The following F8 variants were observed in gnomAD, a reference collection of about 807,000 sequenced individuals.
The protein encoded by F8 is coagulation factor VIII.
In F8, 12 loss-of-function variants were observed where a neutral mutation model predicts 140.6. The observed-to-expected ratio is 0.09, with a 90% confidence interval of 0.05 to 0.14. The LOEUF (loss-of-function observed/expected upper bound fraction) is 0.14, where lower values mean the gene tolerates loss of function less well. Among genes scored for constraint, F8 ranks in the 10% least tolerant of loss-of-function variants. F8 has a pLI of 1.00. For synonymous variants in F8, 585 were observed against 614.6 expected (o/e 0.95, Z 0.71); for missense variants, 1,354 against 1,720.7 (o/e 0.79, Z 3.77).
intron 9 of F8, among the ~76,000 whole-genome samples, chrX:154,961,520 G>A (rs917005843): frequency 7.2e-5 from 8 of 111,192 alleles, no homozygotes; most frequent in African/African-American, 9.8e-5. Context: ...TTGTTTTACC[G>A]TATTGTTTCT....
chrX:154,905,546 C>T (rs1218683125), intron 15 of F8, among the ~76,000 whole-genome samples: 8 of 111,397 alleles, frequency 7.2e-5, no homozygotes, highest in South Asian at 3.7e-4. Flanking sequence ...ATTGAAACAA[C>T]GAATAGATAT....
At chrX:154,897,994 G>C (rs1410524516) in intron 21 of F8, 1 of 112,501 alleles carries the variant, frequency 8.9e-6, no homozygotes, top group Admixed American at 9.4e-5. Flanking sequence ...GCCCAGCCAG[G>C]TGTTTCAGTG....
Position 154,930,087 on chromosome X carries a change from T to C in F8, c.3703A>G (p.Thr1235Ala), listed in dbSNP as rs1351256338. ...QENVVLPQIH[T>A]VTGTKNFMKN... is the part of the protein sequence containing the mutation. ...ATGAAATTCTTAGTGCCAGTCACTG[T>C]ATGTATCTGAGGCAAAACTACATTC... is the stretch of plus-strand genomic sequence containing the variant. The change falls in exon 14 of 26, where the codon ACA becomes GCA. Residue 1235 changes from threonine to alanine, a missense_variant. By Grantham distance (58) the Thr-to-Ala change is moderately conservative. Around this residue, in one of 4 missense-constraint regions of F8, gnomAD observed 658 missense variants for 666.5 expected, o/e 0.99. Transcript: ENST00000360256. 8 of 1,209,610 alleles carry C rather than the reference T, an allele frequency of 6.6e-6. No individual in the cohort carries two copies. The African/African-American group carries it at 1.4e-4, about 21-fold the overall frequency.
intron 14 of F8, chrX:154,908,903 T>C: frequency 7.6e-6 from 1 of 131,054 alleles, no homozygotes. Flanking sequence ...TTCCAGCTTC[T>C]AACCAGAAGG....
chrX:155,017,892 GA>G (rs1488760190), intron 1 of F8, among the ~76,000 whole-genome samples: 2 of 110,827 alleles, frequency 1.8e-5, no homozygotes, highest in East Asian at 5.6e-4. Context: ...TTTATTTTTT[GA>G]AATGGAGTCT....
intron 5 of F8, among the ~76,000 whole-genome samples, chrX:154,986,580 C>T (rs1458513083): frequency 9.0e-6 from 1 of 111,200 alleles, no homozygotes; most frequent in Non-Finnish European, 1.9e-5. Flanking sequence ...CATGAGCCAC[C>T]GAAACTGGCA....
intron 21 of F8, among the ~76,000 whole-genome samples, chrX:154,899,066 A>G (rs782350680): frequency 1.8e-5 from 2 of 112,727 alleles, no homozygotes; most frequent in African/African-American, 6.4e-5. Context: ...CCATAGAAAT[A>G]CAAGGTGAAG....
chrX:154,971,433 T>A (rs2073455916), intron 6 of F8, among the ~76,000 whole-genome samples: 1 of 111,660 alleles, frequency 9.0e-6, no homozygotes, highest in African/African-American at 3.3e-5. Flanking sequence ...TTCTACAAAT[T>A]TATGGGTACA....
intron 12 of F8, among the ~76,000 whole-genome samples, chrX:154,951,286 A>G (rs2073336530): frequency 8.9e-6 from 1 of 112,005 alleles, no homozygotes; most frequent in Admixed American, 9.5e-5. Flanking sequence ...TAAAACAAAC[A>G]TCTAGGTCAT....
At chrX:154,966,797 T>A in intron 7 of F8, 110 bp from the exon 8 acceptor site, 1 of 971,636 alleles carries the variant, frequency 1.0e-6, no homozygotes, top group Admixed American at 2.4e-5. Context: ...CTCATGTTTC[T>A]GCAGGCTATA....
At chrX:154,898,366 G>A (rs992010559) in intron 21 of F8, among the ~76,000 whole-genome samples, 7 of 112,273 alleles carry the variant, frequency 6.2e-5, no homozygotes, top group African/African-American at 9.7e-5. Context: ...AAGATAAGGC[G>A]ATTCAATAGT....
At position 154,965,998 on chromosome X, in the gene F8, AG is replaced by A. The variant is rs1557281946; in HGVS notation, c.1414del (p.Leu472PhefsTer10). On this transcript the variant is annotated frameshift_variant, in exon 9 of 26. Transcript: ENST00000360256. LOFTEE classifies it high-confidence loss of function. The part of the protein sequence containing the change: ...QHESGILGPL[L>X]YGEVGDTLLI... ...CAGTGTGTCTCCAACTTCCCCATAA[AG>A]TAAAGGTCCCAAGATTCCTGATTCA... 1 of 1,211,625 alleles carries A rather than the reference AG, an allele frequency of 8.3e-7. No homozygotes were observed. Among genetic ancestry groups the A allele is most frequent in the Admixed American group, 2.2e-5 (1 of 46,031 alleles).
In F8 at chrX:154,845,106, G is replaced by A. The variant is rs1356070261; in HGVS notation, c.6901-7354C>T. On this transcript the variant is annotated intron_variant, in intron 25 of 25. Coordinates refer to ENST00000360256, the MANE Select transcript of F8 (RefSeq NM_000132.4). ...TGCTGGATTACGTTTATTGATTTTC[G>A]TATGTTGAACCAGCCTTGCATCCCA... Among the ~76,000 whole-genome samples, 13 of 111,372 alleles carry A rather than the reference G, an allele frequency of 1.2e-4. 1 individual carries two copies. The highest frequency in any genetic ancestry group is 3.8e-4 in the South Asian group (1 of 2,665).
At chrX:154,872,803 A>G (rs28791280) in intron 22 of F8, among the ~76,000 whole-genome samples, 47,308 of 110,758 alleles carry the variant, frequency 0.43, 9,747 homozygotes, top group African/African-American at 0.81. Context: ...AAAGACTCAA[A>G]AAAAAATTGT....
At chrX:154,993,220 G>A in intron 3 of F8, 72 bp from the exon 4 acceptor site, 1 of 875,063 alleles carries the variant, frequency 1.1e-6, no homozygotes, top group Non-Finnish European at 1.7e-6. Context: ...CAAGTTTATT[G>A]TCACCAATAG....
chrX:154,944,324 A>G (rs1274090487), intron 13 of F8, among the ~76,000 whole-genome samples: 1 of 109,851 alleles, frequency 9.1e-6, no homozygotes. Flanking sequence ...AATTTACAAG[A>G]AAAAAACAAA....
intron 5 of F8, among the ~76,000 whole-genome samples, chrX:154,986,351 C>T (rs887388666): frequency 1.8e-5 from 2 of 111,698 alleles, no homozygotes; most frequent in Non-Finnish European, 3.8e-5. Context: ...AGTGCAGTGG[C>T]GCAATCACAG....
In F8 at chrX:154,928,630, A is replaced by G; in HGVS notation, c.5160T>C (p.Ala1720=). The change falls in exon 14 of 26, where the codon GCT becomes GCC. Residue 1720 remains alanine, a synonymous_variant. Coordinates refer to ENST00000360256, the MANE Select transcript of F8 (RefSeq NM_000132.4). ...FQKKTRHYFI[A]AVERLWDYGM... is the part of the protein sequence containing the mutation. ...CATAATCCCAGAGCCTCTCCACTGCAGCAATAAAATAGTGTCGTGTTTTCT... is the reference window on the plus strand; with the variant it reads ...CATAATCCCAGAGCCTCTCCACTGCGGCAATAAAATAGTGTCGTGTTTTCT... 8.3e-7 allele frequency: 1 copy of G among 1,211,461 alleles called. No homozygotes were observed.
rs782097345 is a variant in F8, at chrX:155,003,355, G to T, written c.144-3755C>A. Among the ~76,000 whole-genome samples, 6 of 107,133 alleles carry T rather than the reference G, an allele frequency of 5.6e-5. No homozygotes were observed. In the South Asian group the frequency reaches 2.5e-3, roughly 45 times the overall value. 93.0% of individuals were successfully genotyped at this position (107,133 alleles called of 115,157 possible). A position where few individuals can be genotyped will look rare whatever the true frequency, so the allele number is the denominator to read the frequency against. ...GGTTGATGAGACATGGCTGAGGAAAGAATCTCTGAGCTTGAGGACATGACA... is the reference window on the plus strand; with the variant it reads ...GGTTGATGAGACATGGCTGAGGAAATAATCTCTGAGCTTGAGGACATGACA... On this transcript the variant is annotated intron_variant, in intron 1 of 25. Transcript: ENST00000360256.
Sources: gnomAD v4.1 joint callset for allele counts (sites outside exome capture counted in the v4.1 genomes callset) on GRCh38, gnomAD v4.1.1 for gene constraint, gnomAD v4.1.1 regional missense constraint, MANE v1.5 for transcripts, NCBI Gene and HGNC (gene_info 2026-07-23, HGNC 2026-07-21) for gene names.